MYOCD: variants seen among roughly 807,000 people sequenced by gnomAD.
MYOCD encodes myocardin.
A neutral mutation model predicts 96.1 loss-of-function variants in MYOCD; 32 were observed. That is an observed-to-expected ratio of 0.33 (90% CI 0.25 to 0.45). The LOEUF (loss-of-function observed/expected upper bound fraction) is 0.45, where lower values mean the gene tolerates loss of function less well. MYOCD is among the 20% of genes least tolerant of loss of function. The pLI is 1.00. For synonymous variants in MYOCD, 469 were observed against 469.0 expected (o/e 1.00, Z 0.00); for missense variants, 1,133 against 1,200.6 (o/e 0.94, Z 0.83).
At chr17:12,714,566 A>G (rs1366456471) in intron 2 of MYOCD, among the ~76,000 whole-genome samples, 1 of 152,198 alleles carries the variant, frequency 6.6e-6, no homozygotes, top group Non-Finnish European at 1.5e-5. Context: ...CTAATCATGA[A>G]AAGTGATTAT....
intron 5 of MYOCD, among the ~76,000 whole-genome samples, chr17:12,734,298 G>A (rs941518334): frequency 2.0e-5 from 3 of 152,002 alleles, no homozygotes; most frequent in Admixed American, 1.3e-4. Context: ...GGGTCCTGCT[G>A]GGCAGAGAAG....
At chr17:12,703,191 G>GTT (rs2031153216) in intron 1 of MYOCD, among the ~76,000 whole-genome samples, 1 of 151,768 alleles carries the variant, frequency 6.6e-6, no homozygotes, top group African/African-American at 2.4e-5. Flanking sequence ...AGCTTTCATT[G>GTT]TTTCTGAAGA....
At chr17:12,733,383 A>G (rs776444700) in intron 5 of MYOCD, among the ~76,000 whole-genome samples, 2 of 151,710 alleles carry the variant, frequency 1.3e-5, no homozygotes, top group East Asian at 1.9e-4. Context: ...CTATCCCCCA[A>G]TCAACCAAGC....
At chr17:12,725,435 GTATAC>G (rs1176109365) in intron 5 of MYOCD, among the ~76,000 whole-genome samples, 8 of 147,548 alleles carry the variant, frequency 5.4e-5, no homozygotes, top group African/African-American at 2.0e-4. Flanking sequence ...ATATTATAAA[GTATAC>G]TATACTATAT....
chr17:12,762,774 T>G, intron 13 of MYOCD: 1 of 282,094 alleles, frequency 3.5e-6, no homozygotes. Context: ...CCCTCACTGA[T>G]GGTGTTGGGA....
chr17:12,681,303 T>C (rs1424145330), intron 1 of MYOCD, among the ~76,000 whole-genome samples: 1 of 152,196 alleles, frequency 6.6e-6, no homozygotes, highest in Admixed American at 6.5e-5. Context: ...TTTTCTTCCC[T>C]ATTCCTCTAG....
rs1022398508 is a variant in MYOCD at position 12,768,505 on chromosome 17, C to T, written c.*4861C>T. The T allele has an allele frequency of 1.3e-5, 2 of 152,146 alleles. No homozygotes were observed. The highest frequency in any genetic ancestry group is 4.8e-5 in the African/African-American group (2 of 41,438). 9.4% of individuals were successfully genotyped at this position (152,146 alleles called of 1,614,324 possible). On this transcript the variant is annotated 3_prime_UTR_variant, in exon 14 of 14. Coordinates refer to ENST00000425538, the MANE Select transcript of MYOCD (RefSeq NM_001146312.3). ...TTAACCATCTGCTCCCATCGTGAAC[C>T]CTGGAGCATGCATTTCCTAGAAGTG...
At chr17:12,728,776 G>A (rs889215824) in intron 5 of MYOCD, among the ~76,000 whole-genome samples, 1 of 152,314 alleles carries the variant, frequency 6.6e-6, no homozygotes, top group Non-Finnish European at 1.5e-5. Flanking sequence ...ACCGTGCCCA[G>A]CCAGTCTTTT....
chr17:12,676,257 A>T, intron 1 of MYOCD, among the ~76,000 whole-genome samples: 1 of 115,516 alleles, frequency 8.7e-6, no homozygotes, highest in East Asian at 2.6e-4. Context: ...ACACACACAC[A>T]CACACACACA....
rs977428743 is a variant in MYOCD, at chr17:12,765,998, T to A, written c.*2354T>A. The A allele has an allele frequency of 6.6e-6, 1 of 152,206 alleles. No individual in the cohort carries two copies. The highest frequency in any genetic ancestry group is 6.5e-5 in the Admixed American group (1 of 15,286). 9.4% of individuals were successfully genotyped at this position (152,206 alleles called of 1,614,324 possible). On this transcript the variant is annotated 3_prime_UTR_variant, in exon 14 of 14. Coordinates refer to ENST00000425538, the MANE Select transcript of MYOCD (RefSeq NM_001146312.3). The stretch of plus-strand genomic sequence containing the variant: ...AACCAAAAAAATCCAGAAGAAAAAA[T>A]TGCCAGTGTTTCCTTTGAAGATGAA...
chr17:12,739,441 C>A (rs941964614), intron 7 of MYOCD, 113 bp downstream of exon 7: 24 of 1,264,830 alleles, frequency 1.9e-5, no homozygotes, highest in Non-Finnish European at 2.3e-5. Context: ...CACGGAGGAC[C>A]CAGGCAGAGG....
intron 10 of MYOCD, 138 bp downstream of exon 10, chr17:12,753,484 A>G (rs2081430301): frequency 3.8e-6 from 3 of 796,570 alleles, no homozygotes; most frequent in South Asian, 1.9e-5. Flanking sequence ...CCCAGACACT[A>G]CAATCCTTGA....
intron 1 of MYOCD, among the ~76,000 whole-genome samples, chr17:12,693,400 A>G (rs183692506): frequency 2.0e-5 from 3 of 152,200 alleles, no homozygotes; most frequent in Admixed American, 2.0e-4. Flanking sequence ...ACCCGAGGTC[A>G]GGAGTTCAAG....
intron 10 of MYOCD, among the ~76,000 whole-genome samples, chr17:12,756,087 T>C (rs971301318): frequency 1.3e-5 from 2 of 152,072 alleles, no homozygotes; most frequent in Non-Finnish European, 2.9e-5. Flanking sequence ...GGATGGAATG[T>C]ACAGGGCATG....
At chr17:12,713,279 T>C (rs1356433271) in intron 2 of MYOCD, among the ~76,000 whole-genome samples, 2 of 152,204 alleles carry the variant, frequency 1.3e-5, no homozygotes, top group Non-Finnish European at 2.9e-5. Flanking sequence ...CAAGAAGTGA[T>C]GAATTGTAGT....
intron 9 of MYOCD, among the ~76,000 whole-genome samples, chr17:12,751,055 A>T (rs1313284629): frequency 1.3e-5 from 2 of 152,058 alleles, no homozygotes; most frequent in Admixed American, 6.6e-5. Context: ...TTTGTTTTCA[A>T]TATTTTTCTC....
At chr17:12,717,557 A>G in intron 4 of MYOCD, 136 bp downstream of exon 4, 1 of 708,442 alleles carries the variant, frequency 1.4e-6, no homozygotes, top group Non-Finnish European at 2.3e-6. Context: ...GTTTCAAGTA[A>G]TCATCTAAGC....
intron 4 of MYOCD, among the ~76,000 whole-genome samples, chr17:12,719,628 G>A (rs559434785): frequency 4.7e-5 from 7 of 149,678 alleles, no homozygotes; most frequent in Admixed American, 1.3e-4. Context: ...CGAGGCGGGC[G>A]GATCACCTGA....
At chr17:12,727,976 G>C (rs1041747373) in intron 5 of MYOCD, among the ~76,000 whole-genome samples, 1 of 152,198 alleles carries the variant, frequency 6.6e-6, no homozygotes, top group African/African-American at 2.4e-5. Context: ...ACATTCTGTA[G>C]GGTAATAGGG....
Sources: gnomAD v4.1 joint callset for allele counts (sites outside exome capture counted in the v4.1 genomes callset) on GRCh38, gnomAD v4.1.1 for gene constraint, MANE v1.5 for transcripts, NCBI Gene and HGNC (gene_info 2026-07-23, HGNC 2026-07-21) for gene names.